The following KRT86 variants were observed in gnomAD, a reference collection of about 807,000 sequenced individuals.
The protein encoded by KRT86 is keratin, type II cuticular Hb6.
In KRT86, 30 loss-of-function variants were observed where a neutral mutation model predicts 41.2. That is an observed-to-expected ratio of 0.73 (90% CI 0.54 to 0.99). The LOEUF (loss-of-function observed/expected upper bound fraction) is 0.99. KRT86 is among the 50% of genes least tolerant of loss of function. KRT86 has a pLI of 0.00. For synonymous variants in KRT86, 238 were observed against 238.1 expected (o/e 1.00, Z 0.00); for missense variants, 561 against 571.4 (o/e 0.98, Z 0.19).
At chr12:52,287,041 AG>A (rs1341688131) in intron 2 of KRT86, 1 of 1,611,860 alleles carries the variant, frequency 6.2e-7, no homozygotes, top group Non-Finnish European at 8.5e-7. Flanking sequence ...GCCAAGGCCA[AG>A]GGTAGGCTTG....
At chr12:52,294,204 T>C in intron 2 of KRT86, among the ~76,000 whole-genome samples, 1 of 152,186 alleles carries the variant, frequency 6.6e-6, no homozygotes, top group East Asian at 1.9e-4. Context: ...AAACCAGCGG[T>C]TGGGTGTCCT....
intron 9 of KRT86, chr12:52,307,047 C>CTT (rs67766873): frequency 4.0e-5 from 6 of 151,452 alleles, no homozygotes; most frequent in Middle Eastern, 3.2e-3. Context: ...CTCGAAGCTC[C>CTT]TTTTTTTTTG....
rs1015375969 is a variant in KRT86 at position 52,294,356 on chromosome 12, A to G, written c.-4-7557A>G. On this transcript the variant is annotated intron_variant, in intron 2 of 10. Coordinates refer to ENST00000423955, the MANE Select transcript of KRT86 (RefSeq NM_001320198.2). ...TAAGCAATTTTAAAGATGTAAGAATATGAAAAATTCAAATGTGACACCATT... is the reference window on the plus strand; with the variant it reads ...TAAGCAATTTTAAAGATGTAAGAATGTGAAAAATTCAAATGTGACACCATT... 2.0e-5 allele frequency among the ~76,000 whole-genome samples: 3 copies of G among 152,370 alleles called. No individual in the cohort carries two copies. The South Asian group carries it at 6.2e-4, about 32-fold the overall frequency.
intron 2 of KRT86, among the ~76,000 whole-genome samples, chr12:52,294,095 T>C (rs1477247795): frequency 6.6e-6 from 1 of 152,148 alleles, no homozygotes; most frequent in Non-Finnish European, 1.5e-5. Flanking sequence ...TGCTGTCCCT[T>C]TGTGAGTTCA....
chr12:52,283,912 C>T (rs910614949), intron 2 of KRT86, among the ~76,000 whole-genome samples: 1 of 152,176 alleles, frequency 6.6e-6, no homozygotes. Flanking sequence ...GATTCCTTCC[C>T]GCCTTGCTCC....
chr12:52,291,386 A>T, intron 2 of KRT86: 1 of 1,607,660 alleles, frequency 6.2e-7, no homozygotes, highest in South Asian at 1.1e-5. Context: ...GGCGGCGGTG[A>T]TGCAGCAGCG....
chr12:52,302,844 G>GT (rs1555187706), intron 3 of KRT86, among the ~76,000 whole-genome samples: 1 of 119,606 alleles, frequency 8.4e-6, no homozygotes, highest in Non-Finnish European at 1.9e-5. Context: ...TGGGGGGTGG[G>GT]GGGGGGGTCA....
chr12:52,305,827 G>A, intron 8 of KRT86, 39 bp downstream of exon 8: 1 of 1,613,942 alleles, frequency 6.2e-7, no homozygotes, highest in Non-Finnish European at 8.5e-7. Context: ...GAGACCGAGG[G>A]TCTAACCATG....
At chr12:52,279,051 A>T (rs1937707808) in intron 2 of KRT86, 1 of 151,792 alleles carries the variant, frequency 6.6e-6, no homozygotes, top group East Asian at 2.0e-4. Context: ...GGGGGGAGGA[A>T]GGGCTTTCCT....
rs533632588 is a variant in KRT86, at chr12:52,293,024, C to A, written c.-4-8889C>A. On this transcript the variant is annotated intron_variant, in intron 2 of 10. Transcript: ENST00000423955. ...CAAAAATTAGCCCGTTATGGTGGCA[C>A]GTGCCTGTATTCCCAGCTACATGGG... Among the ~76,000 whole-genome samples, 3 of 152,120 alleles carry A rather than the reference C, an allele frequency of 2.0e-5. No individual in the cohort carries two copies. The South Asian group carries it at 6.2e-4, about 32-fold the overall frequency.
In KRT86 at chr12:52,308,254, G is replaced by C. The variant is rs768381688; in HGVS notation, c.1269G>C (p.Ser423=). 1.9e-6 allele frequency: 3 copies of C among 1,614,202 alleles called. No individual in the cohort carries two copies. Among genetic ancestry groups the C allele is most frequent in the Admixed American group, 3.3e-5 (2 of 60,036 alleles). ...EEQRLCEGVG[S]VNVCVSSSRG... is the part of the protein sequence containing the mutation. ...GCAGGCTGTGCGAGGGCGTCGGCTCGGTGAATGTCTGTAAGTAGTGGGGTC... is the reference window on the plus strand; with the variant it reads ...GCAGGCTGTGCGAGGGCGTCGGCTCCGTGAATGTCTGTAAGTAGTGGGGTC... Residue 423 remains serine (S), a synonymous_variant, in exon 10 of 11, where the codon TCG becomes TCC. Transcript: ENST00000423955.
intron 2 of KRT86, chr12:52,286,432 T>A (rs1456287852): frequency 6.4e-7 from 1 of 1,553,024 alleles, no homozygotes; most frequent in African/African-American, 1.4e-5. Context: ...TGCCAGTCAC[T>A]GGCCGGGAGC....
intron 2 of KRT86, among the ~76,000 whole-genome samples, chr12:52,279,694 G>T (rs1020282975): frequency 1.3e-5 from 2 of 152,180 alleles, no homozygotes; most frequent in Admixed American, 6.5e-5. Context: ...AGTATATGAT[G>T]ATTCGATATT....
Position 52,288,435 on chromosome 12 carries a change from G to C in KRT86, c.-5+12489G>C, listed in dbSNP as rs111866984. On this transcript the variant is annotated intron_variant, in intron 2 of 10. Transcript: ENST00000423955. The stretch of plus-strand genomic sequence containing the variant: ...ACGTTGGCCTCCAGGTCTGACTTGC[G>C]GAGGTAGGCGCAGTCCACATCCTGG... 24 of 1,614,152 alleles carry C rather than the reference G, an allele frequency of 1.5e-5. No homozygotes were observed. Among genetic ancestry groups the C allele is most frequent in the African/African-American group, 1.5e-4 (11 of 75,032 alleles).
intron 2 of KRT86, among the ~76,000 whole-genome samples, chr12:52,300,807 T>C (rs995006359): frequency 2.5e-4 from 38 of 152,190 alleles, no homozygotes; most frequent in Admixed American, 7.2e-4. Flanking sequence ...AGATACTGTA[T>C]AGATGCATAA....
rs552266351 is a variant in KRT86 at position 52,302,014 on chromosome 12, G to C, written c.98G>C (p.Arg33Pro). The C allele has an allele frequency of 6.2e-7, 1 of 1,611,946 alleles. No individual in the cohort carries two copies. Among genetic ancestry groups the C allele is most frequent in the South Asian group, 1.1e-5 (1 of 90,980 alleles). ...GRCCITAAPY[R>P]GISCYRGLTG... is the part of the protein sequence containing the mutation. Reference sequence around the variant, plus strand: ...TGCTGCATCACCGCCGCCCCCTACCGTGGCATCTCCTGCTACCGCGGCCTC... The same window carrying C: ...TGCTGCATCACCGCCGCCCCCTACCCTGGCATCTCCTGCTACCGCGGCCTC... Residue 33 changes from arginine to proline, a missense_variant, in exon 3 of 11, where the codon CGT (arginine) becomes CCT (proline). This residue lies in a region of KRT86 where 164 missense variants were observed against 172.5 expected (regional missense o/e 0.95). Transcript: ENST00000423955.
intron 2 of KRT86, among the ~76,000 whole-genome samples, chr12:52,298,559 C>T (rs1169385356): frequency 6.6e-6 from 1 of 152,214 alleles, no homozygotes; most frequent in African/African-American, 2.4e-5. Flanking sequence ...TAGAGTGTGC[C>T]AGGCTTAGTT....
intron 2 of KRT86, among the ~76,000 whole-genome samples, chr12:52,278,427 A>G (rs1468625884): frequency 6.9e-6 from 1 of 144,022 alleles, no homozygotes; most frequent in African/African-American, 2.6e-5. Context: ...AGTCAGGCCA[A>G]AGAAAGTGTA....
intron 9 of KRT86, chr12:52,307,184 G>A (rs1938538454): frequency 6.6e-6 from 1 of 152,226 alleles, no homozygotes; most frequent in Non-Finnish European, 1.5e-5. Flanking sequence ...ACCATATGAC[G>A]AGATTTCCAC....
Sources: allele counts gnomAD v4.1 joint callset (sites outside exome capture counted in the v4.1 genomes callset), GRCh38; gene constraint gnomAD v4.1.1; regional missense constraint gnomAD v4.1.1; transcripts MANE v1.5; gene names NCBI Gene and HGNC (gene_info 2026-07-23, HGNC 2026-07-21).